The following COG5 variants were observed in gnomAD, a reference collection of about 807,000 sequenced individuals.
COG5 encodes conserved oligomeric Golgi complex subunit 5.
COG5 carries 86 observed loss-of-function variants against 110.4 expected under a neutral mutation model. The ratio of observed to expected loss-of-function variants is 0.78; its 90% CI spans 0.65 to 0.93. The LOEUF (loss-of-function observed/expected upper bound fraction) is 0.93. Among genes scored for constraint, COG5 ranks in the 40% least tolerant of loss-of-function variants. COG5 has a pLI of 0.00. For synonymous variants in COG5, 360 were observed against 334.6 expected, an observed-to-expected ratio of 1.08 and a Z score of -0.83; for missense variants, 1,077 against 987.0, an observed-to-expected ratio of 1.09 and a Z score of -1.22.
intron 3 of COG5, chr7:107,549,128 T>C (rs1802689309): frequency 6.6e-6 from 1 of 152,226 alleles, no homozygotes; most frequent in Non-Finnish European, 1.5e-5. Flanking sequence ...GAACCAAAGA[T>C]TCCCACTTTT....
chr7:107,376,084 C>T (rs1357824442), intron 7 of COG5, among the ~76,000 whole-genome samples: 2 of 151,964 alleles, frequency 1.3e-5, no homozygotes, highest in East Asian at 1.9e-4. Flanking sequence ...CCCGCACTCC[C>T]GAAAAGTCAC....
At chr7:107,438,665 T>G (rs1353466017) in intron 6 of COG5, among the ~76,000 whole-genome samples, 1 of 152,184 alleles carries the variant, frequency 6.6e-6, no homozygotes, top group Non-Finnish European at 1.5e-5. Context: ...CATCTGTTAC[T>G]GTTAAGCTAC....
intron 5 of COG5, among the ~76,000 whole-genome samples, chr7:107,536,173 A>C (rs1801569858): frequency 6.6e-6 from 1 of 150,966 alleles, no homozygotes; most frequent in African/African-American, 2.4e-5. Context: ...AGAGCTATTT[A>C]TGGTAAACCC....
chr7:107,236,109 T>C (rs1801170821), intron 18 of COG5, among the ~76,000 whole-genome samples: 2 of 152,220 alleles, frequency 1.3e-5, no homozygotes, highest in African/African-American at 4.8e-5. Flanking sequence ...GCCTACATTA[T>C]TGGTCAGCAA....
intron 14 of COG5, among the ~76,000 whole-genome samples, chr7:107,279,546 A>G (rs1804999443): frequency 6.6e-6 from 1 of 152,194 alleles, no homozygotes; most frequent in Non-Finnish European, 1.5e-5. Flanking sequence ...ATTAAAGAAC[A>G]AAACAGGTAT....
chr7:107,509,878 C>T lies in COG5; in HGVS notation c.538+17359G>A, dbSNP rs976783756. Among the ~76,000 whole-genome samples the T allele has an allele frequency of 5.9e-5, 9 of 152,170 alleles. 1 individual carries two copies. The South Asian group carries it at 1.0e-3, about 18-fold the overall frequency. On this transcript the variant is annotated intron_variant, in intron 6 of 21. Coordinates refer to ENST00000297135, the MANE Select transcript of COG5 (RefSeq NM_006348.5). The stretch of plus-strand genomic sequence containing the variant: ...AGATTTTGTCACCACCAGGCCTGCC[C>T]TAAAAGAGCTCCTGAAAGAAGCACT...
At chr7:107,415,528 TA>T (rs1381460102) in intron 6 of COG5, among the ~76,000 whole-genome samples, 1 of 151,454 alleles carries the variant, frequency 6.6e-6, no homozygotes, top group African/African-American at 2.4e-5. Context: ...TACCAAAAAT[TA>T]AAATAAGGTG....
At chr7:107,250,099 T>C (rs1438599150) in intron 16 of COG5, among the ~76,000 whole-genome samples, 1 of 152,078 alleles carries the variant, frequency 6.6e-6, no homozygotes, top group East Asian at 1.9e-4. Flanking sequence ...ATGATTTGGA[T>C]TTAGGAAAAA....
intron 8 of COG5, among the ~76,000 whole-genome samples, chr7:107,363,081 A>C (rs562328886): frequency 1.3e-5 from 2 of 152,284 alleles, no homozygotes; most frequent in South Asian, 4.1e-4. Context: ...GGAATGGAGC[A>C]AAATAAGGTT....
chr7:107,478,610 T>C (rs1362297807), intron 6 of COG5, among the ~76,000 whole-genome samples: 2 of 152,148 alleles, frequency 1.3e-5, no homozygotes, highest in East Asian at 1.9e-4. Flanking sequence ...CTGTGCCTAA[T>C]ATATGAATTA....
intron 6 of COG5, among the ~76,000 whole-genome samples, chr7:107,509,410 G>A (rs1006675262): frequency 6.6e-6 from 1 of 152,106 alleles, no homozygotes; most frequent in Non-Finnish European, 1.5e-5. Flanking sequence ...AAAAGACCAA[G>A]TCTACGTCTG....
chr7:107,301,416 T>C (rs1562958886), intron 11 of COG5, among the ~76,000 whole-genome samples: 1 of 151,986 alleles, frequency 6.6e-6, no homozygotes, highest in Non-Finnish European at 1.5e-5. Context: ...AACAAGAAAA[T>C]AGCCTAACTT....
At chr7:107,329,721 C>A (rs1810083031) in intron 10 of COG5, among the ~76,000 whole-genome samples, 1 of 151,892 alleles carries the variant, frequency 6.6e-6, no homozygotes, top group Admixed American at 6.6e-5. Flanking sequence ...GAGACCCCCC[C>A]CGTTTCTACA....
intron 6 of COG5, among the ~76,000 whole-genome samples, chr7:107,477,918 C>CA (rs1325467356): frequency 1.3e-5 from 2 of 151,562 alleles, no homozygotes; most frequent in Non-Finnish European, 3.0e-5. Flanking sequence ...TAATTTTGCT[C>CA]AAAAAAGCAT....
intron 6 of COG5, among the ~76,000 whole-genome samples, chr7:107,509,872 C>T (rs1031937951): frequency 2.0e-5 from 3 of 152,040 alleles, no homozygotes; most frequent in Non-Finnish European, 4.4e-5. Context: ...CACCACCAGG[C>T]CTGCCCTAAA....
chr7:107,504,123 G>A (rs892283764), intron 6 of COG5, among the ~76,000 whole-genome samples: 16 of 152,026 alleles, frequency 1.1e-4, no homozygotes, highest in African/African-American at 3.1e-4. Context: ...GTATGATGTC[G>A]GCTGTGGGTT....
chr7:107,292,825 T>C (rs1033930120), intron 12 of COG5, among the ~76,000 whole-genome samples: 1 of 152,186 alleles, frequency 6.6e-6, no homozygotes, highest in African/African-American at 2.4e-5. Context: ...TCTTCAAGAC[T>C]CAGAACTTAT....
chr7:107,563,771 C>A, intron 1 of COG5, 32 bp downstream of exon 1: 1 of 1,612,766 alleles, frequency 6.2e-7, no homozygotes, highest in South Asian at 1.1e-5. Context: ...AGACCCCCAA[C>A]CCCACGACCT....
At chr7:107,262,618 C>G (rs1313433044) in intron 14 of COG5, among the ~76,000 whole-genome samples, 2 of 152,126 alleles carry the variant, frequency 1.3e-5, no homozygotes, top group Non-Finnish European at 2.9e-5. Flanking sequence ...GGGTTCTTGG[C>G]GTTGCCTGTC....
Sources: allele counts gnomAD v4.1 joint callset (sites outside exome capture counted in the v4.1 genomes callset), GRCh38; gene constraint gnomAD v4.1.1; transcripts MANE v1.5; gene names NCBI Gene and HGNC (gene_info 2026-07-23, HGNC 2026-07-21).